CEP85L: variants seen among roughly 807,000 people sequenced by gnomAD.
CEP85L encodes centrosomal protein 85L.
Under a neutral mutation model 100.3 loss-of-function variants are expected in CEP85L, and 60 were observed. The observed-to-expected ratio is 0.60, with a 90% CI of 0.49 to 0.74. CEP85L has a LOEUF of 0.74. Among genes scored for constraint, CEP85L ranks in the 30% least tolerant of loss-of-function variants. The pLI is 0.00. For synonymous variants in CEP85L, 319 were observed against 322.7 expected, an observed-to-expected ratio of 0.99 and a Z score of 0.12; for missense variants, 973 against 936.2, an observed-to-expected ratio of 1.04 and a Z score of -0.51.
At chr6:118,579,365 GA>G (rs561403870) in intron 2 of CEP85L, among the ~76,000 whole-genome samples, 271 of 130,940 alleles carry the variant, frequency 2.1e-3, no homozygotes, top group African/African-American at 5.1e-3. Context: ...AAGCTGGTCA[GA>G]AAAAAAAAAA....
At chr6:118,556,383 GA>G (rs1406530860) in intron 3 of CEP85L, among the ~76,000 whole-genome samples, 1 of 152,188 alleles carries the variant, frequency 6.6e-6, no homozygotes, top group African/African-American at 2.4e-5. Context: ...CCAATATTAT[GA>G]AGGGGGACAG....
chr6:118,480,581 T>C (rs959649291), intron 8 of CEP85L, 68 bp from the exon 9 acceptor site: 3 of 939,936 alleles, frequency 3.2e-6, no homozygotes, highest in Non-Finnish European at 5.1e-6. Context: ...GATTTCAACA[T>C]AAATGATTAT....
At chr6:118,635,403 T>A (rs73766591) in intron 1 of CEP85L, among the ~76,000 whole-genome samples, 1,754 of 152,238 alleles carry the variant, frequency 0.012, 33 homozygotes, top group African/African-American at 0.04. Flanking sequence ...TTTACATACA[T>A]GGAAGAAGCT....
intron 10 of CEP85L, among the ~76,000 whole-genome samples, chr6:118,475,106 CAT>C (rs1773253814): frequency 6.6e-6 from 1 of 152,058 alleles, no homozygotes; most frequent in Admixed American, 6.6e-5. Context: ...CACAGAAGAC[CAT>C]ATATACATTT....
intron 2 of CEP85L, among the ~76,000 whole-genome samples, chr6:118,586,687 A>G (rs764192487): frequency 1.5e-4 from 23 of 152,250 alleles, no homozygotes; most frequent in Admixed American, 1.4e-3. Context: ...ATCATAAAAG[A>G]TAAGTAACTA....
chr6:118,519,946 G>A (rs1467127620), intron 4 of CEP85L, among the ~76,000 whole-genome samples: 1 of 152,080 alleles, frequency 6.6e-6, no homozygotes, highest in Non-Finnish European at 1.5e-5. Context: ...TCCAAAGATA[G>A]ATAAAAAGGA....
At chr6:118,589,182 G>C (rs1448151788) in intron 2 of CEP85L, 1 of 245,460 alleles carries the variant, frequency 4.1e-6, no homozygotes, top group East Asian at 1.1e-4. Context: ...AAAGAGTGGG[G>C]AAAGCTGAAA....
In CEP85L at chr6:118,614,984, T is replaced by C. The variant is rs190743876; in HGVS notation, c.232+17469A>G. Among the ~76,000 whole-genome samples the C allele has an allele frequency of 1.9e-3, 296 of 152,272 alleles. 1 individual carries two copies. The highest frequency in any genetic ancestry group is 7.0e-3 in the African/African-American group (289 of 41,560). On this transcript the variant is annotated intron_variant, in intron 2 of 12. Transcript: ENST00000368491. The stretch of plus-strand genomic sequence containing the variant: ...ATTTCTGTGTTCTATGTCTTAAAAC[T>C]TGAAAATACAATATAATTTACAATC...
intron 10 of CEP85L, among the ~76,000 whole-genome samples, chr6:118,472,848 G>A (rs917171160): frequency 6.6e-6 from 1 of 152,210 alleles, no homozygotes; most frequent in South Asian, 2.1e-4. Context: ...TAAAAATTCT[G>A]CCAAGGTACT....
intron 4 of CEP85L, among the ~76,000 whole-genome samples, chr6:118,522,042 C>G (rs1776700180): frequency 6.6e-6 from 1 of 152,040 alleles, no homozygotes. Context: ...GTAAGTAAAA[C>G]TGAACTTTAG....
Position 118,566,192 on chromosome 6 carries a change from T to C in CEP85L, c.357A>G (p.Thr119=), listed in dbSNP as rs763717111. Residue 119 remains threonine (T), a synonymous_variant, in exon 3 of 13, where the codon ACA becomes ACG. Coordinates refer to ENST00000368491, the MANE Select transcript of CEP85L (RefSeq NM_001042475.3). ...ASISKLRESL[T]PDGSKWSTSL... ...TTGTACTCCATTTTGAGCCATCTGG[T>C]GTCAATGATTCCCTAAGTTTGGAAA... is the stretch of plus-strand genomic sequence containing the variant. The C allele has an allele frequency of 6.2e-7, 1 of 1,614,142 alleles. No homozygotes were observed.
intron 1 of CEP85L, among the ~76,000 whole-genome samples, chr6:118,687,302 T>C (rs1776867831): frequency 6.6e-6 from 1 of 152,176 alleles, no homozygotes; most frequent in Non-Finnish European, 1.5e-5. Flanking sequence ...CTCAGCTCAC[T>C]GCAACCTCCG....
At chr6:118,573,660 A>C (rs528128377) in intron 2 of CEP85L, among the ~76,000 whole-genome samples, 2 of 152,266 alleles carry the variant, frequency 1.3e-5, no homozygotes, top group African/African-American at 2.4e-5. Context: ...ACCAGTAGAG[A>C]ATAAAGATTC....
At chr6:118,544,431 T>C (rs1043262407) in intron 3 of CEP85L, among the ~76,000 whole-genome samples, 6 of 152,232 alleles carry the variant, frequency 3.9e-5, no homozygotes, top group East Asian at 1.9e-4. Flanking sequence ...CCTGGTGTTA[T>C]CTTGCACTAG....
At chr6:118,535,021 G>A (rs923558992) in intron 3 of CEP85L, among the ~76,000 whole-genome samples, 9 of 151,974 alleles carry the variant, frequency 5.9e-5, no homozygotes, top group Admixed American at 2.0e-4. Flanking sequence ...AGTACAGACT[G>A]TTTTCTCTAA....
intron 1 of CEP85L, among the ~76,000 whole-genome samples, chr6:118,633,212 T>C (rs1422799267): frequency 6.6e-6 from 1 of 151,762 alleles, no homozygotes; most frequent in Admixed American, 6.6e-5. Context: ...ATTTGTCTTT[T>C]TTTTTTTTTG....
At chr6:118,690,581 T>C (rs2114308180) in intron 1 of CEP85L, among the ~76,000 whole-genome samples, 1 of 152,358 alleles carries the variant, frequency 6.6e-6, no homozygotes, top group South Asian at 2.1e-4. Flanking sequence ...GCTGAAACCA[T>C]TAGGAGAGAG....
At chr6:118,555,310 C>T (rs1778789836) in intron 3 of CEP85L, among the ~76,000 whole-genome samples, 1 of 151,870 alleles carries the variant, frequency 6.6e-6, no homozygotes. Flanking sequence ...CACCTGTAGT[C>T]CCAGCTACTC....
At chr6:118,494,678 T>C (rs371238593) in intron 5 of CEP85L, among the ~76,000 whole-genome samples, 1 of 152,178 alleles carries the variant, frequency 6.6e-6, no homozygotes, top group East Asian at 1.9e-4. Flanking sequence ...CACAGGACTA[T>C]AGAATACTTC....
Sources: gnomAD v4.1 joint callset for allele counts (sites outside exome capture counted in the v4.1 genomes callset) on GRCh38, gnomAD v4.1.1 for gene constraint, MANE v1.5 for transcripts, NCBI Gene and HGNC (gene_info 2026-07-23, HGNC 2026-07-21) for gene names.